The following KLHL29 variants were observed in gnomAD, a reference collection of about 807,000 sequenced individuals.
KLHL29 encodes kelch like family member 29, also known as kelch-like protein 29.
In KLHL29, 21 loss-of-function variants were observed where a neutral mutation model predicts 80.4. The ratio of observed to expected loss-of-function variants is 0.26; its 90% confidence interval spans 0.19 to 0.38. KLHL29 has a LOEUF of 0.38. Ranked by LOEUF, KLHL29 falls within the 10% of genes least tolerant of loss-of-function variation. KLHL29 has a pLI of 1.00. For missense variants in KLHL29, 867 were observed against 1,223.9 expected (o/e 0.71, Z 4.35); for synonymous variants, 511 against 526.8 (o/e 0.97, Z 0.41).
chr2:23,422,378 T>G (rs1662841810), intron 1 of KLHL29, among the ~76,000 whole-genome samples: 1 of 152,104 alleles, frequency 6.6e-6, no homozygotes, highest in African/African-American at 2.4e-5. Flanking sequence ...TGTGTCTGTG[T>G]GTGTCTCTGT....
chr2:23,699,415 T>C (rs890770752), intron 11 of KLHL29, among the ~76,000 whole-genome samples: 1 of 152,156 alleles, frequency 6.6e-6, no homozygotes, highest in Non-Finnish European at 1.5e-5. Context: ...GGCCTAAGTA[T>C]GGAGGCAACT....
intron 2 of KLHL29, among the ~76,000 whole-genome samples, chr2:23,497,412 T>C (rs947054179): frequency 6.6e-6 from 1 of 152,150 alleles, no homozygotes; most frequent in Non-Finnish European, 1.5e-5. Flanking sequence ...GCACGTGCTC[T>C]GGAGTTCCAC....
rs761537145 is a variant in KLHL29 at position 23,411,569 on chromosome 2, T to C, written c.-154+25789T>C. Among the ~76,000 whole-genome samples, 16 of 152,220 alleles carry C rather than the reference T, an allele frequency of 1.1e-4. No individual in the cohort carries two copies. The South Asian group carries it at 1.5e-3, about 14-fold the overall frequency. On this transcript the variant is annotated intron_variant, in intron 1 of 13. Transcript: ENST00000486442. ...GAGTTGTGAGGTCGGCCAGATTTCC[T>C]TCTGTTGTGTGTGTGCCGCAAGAGT...
chr2:23,532,466 C>G (rs1014774257), intron 2 of KLHL29: 3 of 425,916 alleles, frequency 7.0e-6, no homozygotes, highest in South Asian at 3.5e-5. Context: ...CAGGGCAGCA[C>G]CCAGGGCGGC....
At chr2:23,475,011 A>C (rs1664593756) in intron 1 of KLHL29, among the ~76,000 whole-genome samples, 1 of 140,070 alleles carries the variant, frequency 7.1e-6, no homozygotes, top group African/African-American at 2.7e-5. Context: ...CTATAATTTA[A>C]AAAAAAAAAA....
At chr2:23,544,177 C>T (rs903930074) in intron 2 of KLHL29, among the ~76,000 whole-genome samples, 1 of 152,150 alleles carries the variant, frequency 6.6e-6, no homozygotes, top group Non-Finnish European at 1.5e-5. Context: ...TCTTGCCCGT[C>T]TGTGGGGAGA....
chr2:23,604,207 A>T (rs1202542813), intron 3 of KLHL29, among the ~76,000 whole-genome samples: 1 of 151,908 alleles, frequency 6.6e-6, no homozygotes, highest in Admixed American at 6.6e-5. Context: ...GCTGCAGTGC[A>T]GTGGTACAAT....
rs149569117 is a variant in KLHL29 at position 23,414,944 on chromosome 2, A to T, written c.-154+29164A>T. On this transcript the variant is annotated intron_variant, in intron 1 of 13. Coordinates refer to ENST00000486442, the MANE Select transcript of KLHL29 (RefSeq NM_052920.2). ...CAGAAAAGGAATTTATTAAAAGGAT[A>T]TTAGTCAGCCCAGAGTCTCCAGGGT... Among the ~76,000 whole-genome samples the T allele has an allele frequency of 1.6e-4, 25 of 152,372 alleles. No individual in the cohort carries two copies. The East Asian group carries it at 4.8e-3, about 29-fold the overall frequency.
intron 2 of KLHL29, among the ~76,000 whole-genome samples, chr2:23,557,225 T>C (rs980641588): frequency 3.3e-5 from 5 of 152,204 alleles, no homozygotes; most frequent in Admixed American, 6.5e-5. Context: ...TGGGCACACA[T>C]GTATGCCCAT....
At chr2:23,472,892 A>G (rs892617129) in intron 1 of KLHL29, among the ~76,000 whole-genome samples, 3 of 152,174 alleles carry the variant, frequency 2.0e-5, no homozygotes, top group Admixed American at 6.5e-5. Flanking sequence ...GAATGTATCT[A>G]TCGGGGTCTT....
rs777435330 is a variant in KLHL29, at chr2:23,691,704, G to A, written c.1110G>A (p.Arg370=). 1.0e-5 allele frequency: 16 copies of A among 1,551,666 alleles called. No homozygotes were observed. Among genetic ancestry groups the A allele is most frequent in the Non-Finnish European group, 1.4e-5 (16 of 1,147,030 alleles). The stretch of plus-strand genomic sequence containing the variant: ...TGCAAGACAGCGGCCAGGGCGGCCG[G>A]GAGAAGCTGGAGCTCGTCCTGTCGA... ...RSVQDSGQGG[R]EKLELVLSNL... is the part of the protein sequence containing the mutation. Residue 370 remains arginine (R), a synonymous_variant, in exon 7 of 14, where the codon CGG becomes CGA. Transcript: ENST00000486442.
chr2:23,434,104 G>A (rs1186996462), intron 1 of KLHL29, among the ~76,000 whole-genome samples: 3 of 152,044 alleles, frequency 2.0e-5, no homozygotes, highest in African/African-American at 4.8e-5. Context: ...GGCGGATCAC[G>A]AGGTCAGGAG....
intron 2 of KLHL29, among the ~76,000 whole-genome samples, chr2:23,481,513 G>A (rs1472562875): frequency 6.6e-6 from 1 of 152,230 alleles, no homozygotes; most frequent in Non-Finnish European, 1.5e-5. Context: ...AAGAGGGTAG[G>A]AGCCTCCTGT....
intron 3 of KLHL29, among the ~76,000 whole-genome samples, chr2:23,581,406 A>G (rs932704707): frequency 1.3e-5 from 2 of 152,230 alleles, no homozygotes; most frequent in African/African-American, 2.4e-5. Context: ...ACCTCTGGGA[A>G]GGCAGCTTCC....
intron 1 of KLHL29, among the ~76,000 whole-genome samples, chr2:23,392,838 T>C (rs955899401): frequency 5.9e-5 from 9 of 152,254 alleles, no homozygotes; most frequent in Non-Finnish European, 1.2e-4. Flanking sequence ...GTGTTGTCTA[T>C]ACTAATTAAC....
intron 3 of KLHL29, among the ~76,000 whole-genome samples, chr2:23,624,680 G>C (rs1484656963): frequency 6.6e-6 from 1 of 152,284 alleles, no homozygotes; most frequent in East Asian, 1.9e-4. Context: ...CACAGCCTGT[G>C]GGGGAGTCTC....
intron 5 of KLHL29, among the ~76,000 whole-genome samples, chr2:23,654,441 AT>A (rs1670176357): frequency 6.6e-6 from 1 of 152,188 alleles, no homozygotes; most frequent in East Asian, 1.9e-4. Context: ...TCAGGAATTG[AT>A]TGATCCAAAA....
intron 3 of KLHL29, among the ~76,000 whole-genome samples, chr2:23,634,634 A>T (rs913212674): frequency 6.6e-6 from 1 of 151,976 alleles, no homozygotes; most frequent in African/African-American, 2.4e-5. Context: ...CCTTCATCAC[A>T]CCCAAGCATC....
At chr2:23,441,598 G>A (rs1663526154) in intron 1 of KLHL29, among the ~76,000 whole-genome samples, 1 of 152,126 alleles carries the variant, frequency 6.6e-6, no homozygotes, top group African/African-American at 2.4e-5. Flanking sequence ...CAGCAAGGAT[G>A]GTTCATGTTT....
Sources: gnomAD v4.1 joint callset for allele counts (sites outside exome capture counted in the v4.1 genomes callset) on GRCh38, gnomAD v4.1.1 for gene constraint, MANE v1.5 for transcripts, NCBI Gene and HGNC (gene_info 2026-07-23, HGNC 2026-07-21) for gene names.